The following LCOR variants were observed in gnomAD, a reference collection of about 807,000 sequenced individuals.
LCOR encodes ligand dependent nuclear receptor corepressor.
LCOR carries 14 observed loss-of-function variants against 64.4 expected under a neutral mutation model. The observed-to-expected ratio is 0.22, with a 90% CI of 0.14 to 0.34. LCOR has a LOEUF of 0.34. Ranked by LOEUF, LCOR falls within the 10% of genes least tolerant of loss-of-function variation. LCOR has a pLI of 1.00. For missense variants in LCOR, 1,686 were observed against 1,765.3 expected (o/e 0.96, Z 0.80); for synonymous variants, 643 against 642.5 (o/e 1.00, Z -0.01).
intron 2 of LCOR, among the ~76,000 whole-genome samples, chr10:96,842,536 T>C (rs1011887807): frequency 1.3e-5 from 2 of 152,182 alleles, no homozygotes; most frequent in Non-Finnish European, 2.9e-5. Context: ...ATAATTCATA[T>C]CTGATTTAAT....
intron 2 of LCOR, among the ~76,000 whole-genome samples, chr10:96,833,854 CTT>C (rs1292769153): frequency 6.6e-6 from 1 of 151,946 alleles, no homozygotes; most frequent in African/African-American, 2.4e-5. Flanking sequence ...GAGAAGTTCT[CTT>C]TGTTGTGCGA....
At chr10:96,978,091 C>A (rs1261283766) in intron 7 of LCOR, among the ~76,000 whole-genome samples, 1 of 152,222 alleles carries the variant, frequency 6.6e-6, no homozygotes, top group Non-Finnish European at 1.5e-5. Context: ...CTGTTGCTTT[C>A]ATCTGGTAGA....
In LCOR at chr10:96,912,611, C is replaced by CCTTCCTTT. The variant is rs1554836484; in HGVS notation, c.-184+4871_-184+4872insTCTTCCTT. Reference sequence around the variant, plus strand: ...TAAGATCTTCCTTTCTTCCTTTCTTCCTTCCTTCCTTCCTTCCTTCCTTCC... The same window carrying CCTTCCTTT: ...TAAGATCTTCCTTTCTTCCTTTCTTCCTTCCTTTCTTCCTTCCTTCCTTCCTTCCTTCC... On this transcript the variant is annotated intron_variant, in intron 4 of 7. Coordinates refer to ENST00000421806, the MANE Select transcript of LCOR (RefSeq NM_001346516.2). Among the ~76,000 whole-genome samples the CCTTCCTTT allele has an allele frequency of 2.8e-3, 377 of 133,076 alleles. 3 individuals are homozygous for CCTTCCTTT. The highest frequency in any genetic ancestry group is 0.02 in the East Asian group (100 of 4,898). 87.3% of individuals were successfully genotyped at this position (133,076 alleles called of 152,430 possible).
chr10:96,910,783 C>T (rs1480946681), intron 4 of LCOR, among the ~76,000 whole-genome samples: 1 of 152,142 alleles, frequency 6.6e-6, no homozygotes, highest in African/African-American at 2.4e-5. Context: ...TGGAAAAGCA[C>T]TTAGAAATAT....
intron 2 of LCOR, among the ~76,000 whole-genome samples, chr10:96,843,186 A>G (rs1268238788): frequency 6.6e-6 from 1 of 152,138 alleles, no homozygotes; most frequent in East Asian, 1.9e-4. Flanking sequence ...ATGCAGCGGC[A>G]TGATCATAGC....
rs1359021449 is a variant in LCOR at position 96,981,046 on chromosome 10, G to A, written c.586G>A (p.Asp196Asn). The change falls in exon 8 of 8, where the codon GAT becomes AAT. Residue 196 changes from aspartate to asparagine, a missense_variant. Asp to Asn is a conservative substitution (Grantham distance 23). This residue lies in a region of LCOR where 313 missense variants were observed against 247.2 expected (regional missense o/e 1.27). Transcript: ENST00000421806. Reference sequence around the variant, plus strand: ...TAAGGAAAAAGATGCTCTGTGTCTCGATATGAAGTCTTCTGCTTCTGTAGA... The same window carrying A: ...TAAGGAAAAAGATGCTCTGTGTCTCAATATGAAGTCTTCTGCTTCTGTAGA... ...KHKEKDALCL[D>N]MKSSASVDLF... The A allele has an allele frequency of 1.3e-5, 9 of 702,864 alleles. No homozygotes were observed. Among genetic ancestry groups the A allele is most frequent in the African/African-American group, 1.0e-4 (6 of 57,234 alleles). 43.5% of individuals were successfully genotyped at this position (702,864 alleles called of 1,614,324 possible).
rs531792919 is a variant in LCOR, at chr10:96,908,810, G to T, written c.-184+1063G>T. Among the ~76,000 whole-genome samples, 13 of 152,004 alleles carry T rather than the reference G, an allele frequency of 8.6e-5. No homozygotes were observed. The South Asian group carries it at 2.5e-3, about 29-fold the overall frequency. On this transcript the variant is annotated intron_variant, in intron 4 of 7. Transcript: ENST00000421806. ...TGCTCACTGCAGGCTCCCCCCTCCG[G>T]GTTTACGCCATTCTCCTGCCTCAGC...
At position 96,896,144 on chromosome 10, in the gene LCOR, G is replaced by A. The variant is rs148789812; in HGVS notation, c.-329-11121G>A. 1.1e-3 allele frequency among the ~76,000 whole-genome samples: 161 copies of A among 152,142 alleles called. 1 individual carries two copies. Among genetic ancestry groups the A allele is most frequent in the African/African-American group, 3.7e-3 (155 of 41,510 alleles). On this transcript the variant is annotated intron_variant, in intron 2 of 7. Transcript: ENST00000421806. ...TAATTTTTTTCTCGGCTCTCTAAATGCTGTCTTCGCTGCTTTGTACAGTAG... is the reference window on the plus strand; with the variant it reads ...TAATTTTTTTCTCGGCTCTCTAAATACTGTCTTCGCTGCTTTGTACAGTAG...
intron 7 of LCOR, among the ~76,000 whole-genome samples, chr10:96,953,534 G>C (rs1847717519): frequency 6.6e-6 from 1 of 151,732 alleles, no homozygotes; most frequent in East Asian, 1.9e-4. Context: ...CTGGGTGACA[G>C]AGCCAGACCT....
chr10:96,985,316 C>T lies in LCOR; in HGVS notation c.*182C>T. ...AGAAGGGAACTTGCAGAGTCCTTCT[C>T]TGAGGCTAAGGGAAGTTATATATTA... On this transcript the variant is annotated 3_prime_UTR_variant, in exon 8 of 8. Coordinates refer to ENST00000421806, the MANE Select transcript of LCOR (RefSeq NM_001346516.2). The T allele has an allele frequency of 1.5e-6, 1 of 683,214 alleles. No homozygotes were observed. Among genetic ancestry groups the T allele is most frequent in the East Asian group, 3.1e-5 (1 of 32,308 alleles). 42.3% of individuals were successfully genotyped at this position (683,214 alleles called of 1,614,324 possible).
At chr10:96,864,635 A>T in intron 2 of LCOR, among the ~76,000 whole-genome samples, 1 of 152,238 alleles carries the variant, frequency 6.6e-6, no homozygotes, top group East Asian at 1.9e-4. Flanking sequence ...CATGCACCTC[A>T]TAACAATGTT....
chr10:96,851,905 T>C (rs981754525), intron 2 of LCOR, among the ~76,000 whole-genome samples: 13 of 152,206 alleles, frequency 8.5e-5, no homozygotes, highest in African/African-American at 3.1e-4. Context: ...ATTAATGGTA[T>C]GTCATATTTT....
chr10:96,892,148 G>A (rs1181766761), intron 2 of LCOR, among the ~76,000 whole-genome samples: 1 of 151,982 alleles, frequency 6.6e-6, no homozygotes, highest in East Asian at 1.9e-4. Context: ...TTTTCCTTAT[G>A]TATCTTTTGC....
intron 2 of LCOR, among the ~76,000 whole-genome samples, chr10:96,871,191 G>A (rs1403382204): frequency 6.6e-6 from 1 of 151,648 alleles, no homozygotes; most frequent in African/African-American, 2.4e-5. Context: ...CAAGTAGCTA[G>A]GCTTACAGGC....
Position 96,951,202 on chromosome 10 carries a change from T to A in LCOR, c.239-901T>A, listed in dbSNP as rs185374430. On this transcript the variant is annotated intron_variant, in intron 6 of 7. Transcript: ENST00000421806. ...GACAGAGTGGTAGCTTTAAAAGACTTCTTTTCCAGGTATTTCAACAAGGAG... is the reference window on the plus strand; with the variant it reads ...GACAGAGTGGTAGCTTTAAAAGACTACTTTTCCAGGTATTTCAACAAGGAG... Among the ~76,000 whole-genome samples the A allele has an allele frequency of 4.6e-3, 700 of 152,272 alleles. 3 individuals carry two copies. The highest frequency in any genetic ancestry group is 5.9e-3 in the Non-Finnish European group (403 of 67,972).
chr10:96,908,962 G>A (rs1197985216), intron 4 of LCOR, among the ~76,000 whole-genome samples: 2 of 152,042 alleles, frequency 1.3e-5, no homozygotes, highest in Non-Finnish European at 2.9e-5. Context: ...TGATCCGCCC[G>A]CCTCGGCCTC....
At chr10:96,904,987 A>C (rs1443568216) in intron 2 of LCOR, among the ~76,000 whole-genome samples, 1 of 152,224 alleles carries the variant, frequency 6.6e-6, no homozygotes, top group Non-Finnish European at 1.5e-5. Context: ...TATGAGCAAA[A>C]GAGGAGTGAC....
Position 96,983,307 on chromosome 10 carries a change from T to C in LCOR, c.2847T>C (p.Tyr949=), listed in dbSNP as rs1848111437. ...QPLPGERLEI[Y]VQSKMDEKNA... is the part of the protein sequence containing the mutation. Reference sequence around the variant, plus strand: ...TGCCTGGAGAGAGATTGGAAATCTATGTTCAGTCTAAAATGGATGAGAAGA... The same window carrying C: ...TGCCTGGAGAGAGATTGGAAATCTACGTTCAGTCTAAAATGGATGAGAAGA... Residue 949 remains tyrosine (Y), a synonymous_variant, in exon 8 of 8, where the codon TAT becomes TAC. Coordinates refer to ENST00000421806, the MANE Select transcript of LCOR (RefSeq NM_001346516.2). This position sits in a 1 kb window ranked among gnomAD's most constrained non-coding sequence, Gnocchi z 4.5. 1 of 1,614,112 alleles carries C rather than the reference T, an allele frequency of 6.2e-7. No homozygotes were observed.
intron 2 of LCOR, among the ~76,000 whole-genome samples, chr10:96,844,270 C>T (rs573261124): frequency 6.6e-6 from 1 of 151,594 alleles, no homozygotes; most frequent in African/African-American, 2.4e-5. Context: ...CCTGCCTTAG[C>T]CTCCCTAGTA....
Sources: allele counts gnomAD v4.1 joint callset (sites outside exome capture counted in the v4.1 genomes callset), GRCh38; gene constraint gnomAD v4.1.1; regional missense constraint gnomAD v4.1.1; non-coding constraint Gnocchi (gnomAD v3.1); transcripts MANE v1.5; gene names NCBI Gene and HGNC (gene_info 2026-07-23, HGNC 2026-07-21).